Variants in FRMD4A observed in about 807,000 individuals in gnomAD.
The protein encoded by FRMD4A is FERM domain-containing protein 4A.
Under a neutral mutation model 129.1 loss-of-function variants are expected in FRMD4A, and 29 were observed. The ratio of observed to expected loss-of-function variants is 0.22; its 90% CI spans 0.17 to 0.31. The LOEUF (loss-of-function observed/expected upper bound fraction) is 0.31, where lower values mean the gene tolerates loss of function less well. Among genes scored for constraint, FRMD4A ranks in the 10% least tolerant of loss-of-function variants. The pLI, the probability that FRMD4A is intolerant of heterozygous loss-of-function variation, is 1.00. For missense variants in FRMD4A, 1,272 were observed against 1,375.8 expected (o/e 0.92, Z 1.19); for synonymous variants, 634 against 571.6 (o/e 1.11, Z -1.56).
chr10:14,071,889 G>T (rs1213739356), intron 2 of FRMD4A, among the ~76,000 whole-genome samples: 1 of 152,110 alleles, frequency 6.6e-6, no homozygotes, highest in Non-Finnish European at 1.5e-5. Flanking sequence ...CAGCTGAAAG[G>T]GTGAAAGAAG....
chr10:13,820,355 T>C (rs2093611095), intron 3 of FRMD4A, among the ~76,000 whole-genome samples: 1 of 150,984 alleles, frequency 6.6e-6, no homozygotes, highest in East Asian at 1.9e-4. Context: ...GCATTGACAT[T>C]GGTGTTCTCT....
chr10:13,984,538 C>G (rs1410958087), intron 2 of FRMD4A, among the ~76,000 whole-genome samples: 1 of 152,184 alleles, frequency 6.6e-6, no homozygotes, highest in African/African-American at 2.4e-5. Context: ...ACTTCCTATT[C>G]CTCCCCTCTC....
intron 2 of FRMD4A, among the ~76,000 whole-genome samples, chr10:14,125,271 C>T (rs58959912): frequency 0.013 from 1,954 of 152,148 alleles, 40 homozygotes; most frequent in African/African-American, 0.045. Flanking sequence ...AAGTAGTGTC[C>T]CCAGCTGCTT....
chr10:14,132,734 T>A (rs939870859), intron 2 of FRMD4A, among the ~76,000 whole-genome samples: 1 of 152,216 alleles, frequency 6.6e-6, no homozygotes, highest in African/African-American at 2.4e-5. Flanking sequence ...TCAGGACACA[T>A]CATGGCCACT....
chr10:13,980,491 A>G (rs2095556799), intron 2 of FRMD4A, among the ~76,000 whole-genome samples: 1 of 152,226 alleles, frequency 6.6e-6, no homozygotes, highest in Admixed American at 6.5e-5. Context: ...ATGCTTTGGG[A>G]CACTGAGGCT....
At chr10:13,971,913 A>G (rs1229348200) in intron 2 of FRMD4A, 3 of 1,250,368 alleles carry the variant, frequency 2.4e-6, no homozygotes, top group African/African-American at 1.5e-5. Flanking sequence ...GCAAGGAAAA[A>G]ATGCAGTCCA....
At chr10:14,132,433 A>T (rs1466521910) in intron 2 of FRMD4A, among the ~76,000 whole-genome samples, 6 of 152,188 alleles carry the variant, frequency 3.9e-5, no homozygotes, top group East Asian at 1.9e-4. Flanking sequence ...TGGAGAGGGG[A>T]GGCTGCCTGG....
chr10:13,790,726 C>A (rs559940303), intron 5 of FRMD4A, among the ~76,000 whole-genome samples: 1 of 151,736 alleles, frequency 6.6e-6, no homozygotes, highest in African/African-American at 2.4e-5. Flanking sequence ...AGAAGCTGGA[C>A]GACCACAGAA....
At chr10:13,824,484 T>A (rs2093672625) in intron 3 of FRMD4A, among the ~76,000 whole-genome samples, 1 of 151,850 alleles carries the variant, frequency 6.6e-6, no homozygotes, top group Admixed American at 6.6e-5. Flanking sequence ...AGCAAGACTC[T>A]ATCTCAAAAC....
intron 12 of FRMD4A, among the ~76,000 whole-genome samples, chr10:13,712,955 C>T (rs775387265): frequency 6.6e-6 from 1 of 152,242 alleles, no homozygotes; most frequent in Non-Finnish European, 1.5e-5. Flanking sequence ...TTTGGCTCCA[C>T]TGGACTTCCT....
intron 14 of FRMD4A, among the ~76,000 whole-genome samples, chr10:13,700,517 C>T (rs1219117041): frequency 6.6e-6 from 1 of 152,200 alleles, no homozygotes; most frequent in Non-Finnish European, 1.5e-5. Flanking sequence ...TGTATTCCCC[C>T]AGCCCAAGCC....
chr10:14,154,783 T>C (rs11258904), intron 2 of FRMD4A, among the ~76,000 whole-genome samples: 2,697 of 152,296 alleles, frequency 0.018, 75 homozygotes, highest in African/African-American at 0.061. Context: ...TCCTATTGCT[T>C]TTTTCCTACC....
chr10:13,914,869 T>G lies in FRMD4A; in HGVS notation c.46-55957A>C, dbSNP rs1158478995. ...CATCTCTACAAAAAATAAAAAAAAT[T>G]TGCGCATGGCAGCGTGTGCCTGTAA... On this transcript the variant is annotated intron_variant, in intron 2 of 24. Transcript: ENST00000357447. 2.0e-5 allele frequency among the ~76,000 whole-genome samples: 3 copies of G among 151,908 alleles called. No homozygotes were observed. The East Asian group carries it at 5.8e-4, about 29-fold the overall frequency.
Position 13,675,007 on chromosome 10 carries a change from C to A in FRMD4A, c.1155G>T (p.Lys385Asn), listed in dbSNP as rs1331859428. Residue 385 changes from lysine (K) to asparagine (N), a missense_variant, in exon 16 of 25, where the codon AAG becomes AAT. Physicochemically the swap from Lys to Asn is moderately conservative, Grantham distance 94. Transcript: ENST00000357447. ...TGGACTTCAAGGCAGCCAGCATGTC[C>A]TTCTTGGCCGACTGCGAGCTATCTG... ...QESDSSQSAK[K>N]DMLAALKSRQ... The A allele has an allele frequency of 6.2e-7, 1 of 1,613,876 alleles. No individual in the cohort carries two copies. The highest frequency in any genetic ancestry group is 1.3e-5 in the African/African-American group (1 of 75,046).
chr10:14,276,099 T>C (rs1845330072), intron 2 of FRMD4A, among the ~76,000 whole-genome samples: 1 of 152,180 alleles, frequency 6.6e-6, no homozygotes, highest in African/African-American at 2.4e-5. Flanking sequence ...GTCCTGGCCC[T>C]GTTGATGCTT....
rs71848496 is a variant in FRMD4A at position 13,900,896 on chromosome 10, C to CTAAAA, written c.46-41989_46-41985dup. ...TGGGCGACAGAGCGAGATTCCGTCT[C>CTAAAA]TAAAATAAAATAAAATAAAATAAAA... On this transcript the variant is annotated intron_variant, in intron 2 of 24. Transcript: ENST00000357447. 5.5e-3 allele frequency among the ~76,000 whole-genome samples: 831 copies of CTAAAA among 152,030 alleles called. 5 individuals are homozygous for CTAAAA. Among genetic ancestry groups the CTAAAA allele is most frequent in the African/African-American group, 0.017 (696 of 41,412 alleles).
At chr10:14,096,289 T>C (rs1258126002) in intron 2 of FRMD4A, among the ~76,000 whole-genome samples, 2 of 152,180 alleles carry the variant, frequency 1.3e-5, no homozygotes, top group Admixed American at 1.3e-4. Flanking sequence ...AGACACCAGA[T>C]CTGCTGTTGC....
chr10:13,658,837 G>A (rs1253158407), intron 21 of FRMD4A, among the ~76,000 whole-genome samples: 5 of 147,440 alleles, frequency 3.4e-5, no homozygotes, highest in African/African-American at 1.3e-4. Context: ...AGCCAAGATC[G>A]CGCCACTGTA....
intron 2 of FRMD4A, among the ~76,000 whole-genome samples, chr10:13,859,862 A>C (rs931199969): frequency 3.9e-5 from 6 of 152,158 alleles, no homozygotes; most frequent in Non-Finnish European, 8.8e-5. Context: ...TGAGTGGTAT[A>C]ACAGGAAGCC....
Sources: gnomAD v4.1 joint callset for allele counts (sites outside exome capture counted in the v4.1 genomes callset) on GRCh38, gnomAD v4.1.1 for gene constraint, MANE v1.5 for transcripts, NCBI Gene and HGNC (gene_info 2026-07-23, HGNC 2026-07-21) for gene names.